USH2A: variants seen among roughly 807,000 people sequenced by gnomAD.
The protein encoded by USH2A is usherin.
A neutral mutation model predicts 538.9 loss-of-function variants in USH2A; 443 were observed. The ratio of observed to expected loss-of-function variants is 0.82; its 90% CI spans 0.76 to 0.89. The LOEUF (loss-of-function observed/expected upper bound fraction) is 0.89, where lower values mean the gene tolerates loss of function less well. USH2A is among the 40% of genes least tolerant of loss of function. USH2A has a pLI of 0.00. For missense variants in USH2A, 6,633 were observed against 6,324.8 expected, an observed-to-expected ratio of 1.05 and a Z score of -1.65; for synonymous variants, 2,413 against 2,273.5, an observed-to-expected ratio of 1.06 and a Z score of -1.75.
chr1:216,416,440 T>C (rs1010667148), intron 3 of USH2A, among the ~76,000 whole-genome samples: 25 of 152,122 alleles, frequency 1.6e-4, no homozygotes, highest in Admixed American at 1.3e-4. Flanking sequence ...CAGAATAGTT[T>C]AAAACTTATG....
At chr1:216,215,751 A>C (rs898083146) in intron 15 of USH2A, among the ~76,000 whole-genome samples, 22 of 152,142 alleles carry the variant, frequency 1.4e-4, no homozygotes, top group Non-Finnish European at 2.4e-4. Flanking sequence ...GAGATAAAAA[A>C]CCAAAAGGAA....
At chr1:216,175,824 A>C (rs1306130053) in intron 20 of USH2A, among the ~76,000 whole-genome samples, 1 of 152,118 alleles carries the variant, frequency 6.6e-6, no homozygotes, top group Non-Finnish European at 1.5e-5. Context: ...TCCCTCTACC[A>C]AGCAGGTACC....
At chr1:215,837,624 T>C (rs1015443630) in intron 47 of USH2A, among the ~76,000 whole-genome samples, 2 of 152,072 alleles carry the variant, frequency 1.3e-5, no homozygotes, top group African/African-American at 4.8e-5. Context: ...CTCTGATGTA[T>C]ATAAATCAAT....
At chr1:216,270,049 G>A (rs1352757058) in intron 11 of USH2A, among the ~76,000 whole-genome samples, 1 of 152,052 alleles carries the variant, frequency 6.6e-6, no homozygotes, top group Non-Finnish European at 1.5e-5. Flanking sequence ...ATTTCAAGAT[G>A]AATAAATTAG....
intron 64 of USH2A, 130 bp downstream of exon 64, chr1:215,670,842 A>C (rs1431471319): frequency 1.5e-5 from 14 of 943,944 alleles, no homozygotes; most frequent in Non-Finnish European, 1.9e-5. Flanking sequence ...AAAATTTTTA[A>C]GGAATATTAT....
chr1:215,986,039 C>T (rs552180652), intron 35 of USH2A, among the ~76,000 whole-genome samples: 1 of 152,184 alleles, frequency 6.6e-6, no homozygotes, highest in South Asian at 2.1e-4. Flanking sequence ...AAAATATTTC[C>T]ATAAGCTTCT....
At chr1:216,145,747 G>A (rs920864081) in intron 21 of USH2A, among the ~76,000 whole-genome samples, 7 of 152,086 alleles carry the variant, frequency 4.6e-5, no homozygotes, top group Non-Finnish European at 8.8e-5. Context: ...CACAAAAGAA[G>A]TGTAAATGGC....
chr1:215,977,211 T>C (rs946140509), intron 35 of USH2A, among the ~76,000 whole-genome samples: 14 of 152,056 alleles, frequency 9.2e-5, no homozygotes, highest in African/African-American at 3.1e-4. Context: ...ATTGAATCAG[T>C]AATAAAAAAA....
intron 21 of USH2A, among the ~76,000 whole-genome samples, chr1:216,145,360 T>C (rs1430549695): frequency 6.6e-6 from 1 of 152,120 alleles, no homozygotes; most frequent in African/African-American, 2.4e-5. Context: ...CCAGGGGCAA[T>C]GCGGTAAGAA....
intron 21 of USH2A, among the ~76,000 whole-genome samples, chr1:216,165,649 C>T (rs2034152202): frequency 6.6e-6 from 1 of 152,072 alleles, no homozygotes; most frequent in Non-Finnish European, 1.5e-5. Context: ...CTAAGTGATC[C>T]ATCTTTTGGA....
At chr1:216,232,254 C>T (rs1473279519) in intron 13 of USH2A, 118 bp from the exon 14 acceptor site, 1 of 1,158,120 alleles carries the variant, frequency 8.6e-7, no homozygotes. Context: ...ATTCCCAATA[C>T]AAATGTGGTT....
intron 14 of USH2A, among the ~76,000 whole-genome samples, chr1:216,222,387 T>C (rs539694039): frequency 6.6e-6 from 1 of 152,344 alleles, no homozygotes; most frequent in Non-Finnish European, 1.5e-5. Context: ...CCCCAGGCTA[T>C]AGATTGCTGA....
intron 49 of USH2A, among the ~76,000 whole-genome samples, chr1:215,810,722 A>C (rs1227040690): frequency 6.6e-6 from 1 of 152,182 alleles, no homozygotes; most frequent in Non-Finnish European, 1.5e-5. Context: ...AATTTAAGTT[A>C]CTTCGAGAAA....
intron 35 of USH2A, among the ~76,000 whole-genome samples, chr1:215,972,433 C>A (rs1309750111): frequency 2.0e-5 from 3 of 152,284 alleles, no homozygotes; most frequent in African/African-American, 4.8e-5. Flanking sequence ...CAGTAAGCAC[C>A]AGCTCCTGTC....
chr1:215,883,943 A>G (rs1401951031), intron 41 of USH2A, among the ~76,000 whole-genome samples: 1 of 152,188 alleles, frequency 6.6e-6, no homozygotes, highest in East Asian at 1.9e-4. Flanking sequence ...TCAGTAAACT[A>G]ACACAGGAAC....
In USH2A at chr1:216,232,104, A is replaced by T; in HGVS notation, c.2842T>A (p.Cys948Ser). The T allele has an allele frequency of 6.2e-7, 1 of 1,613,852 alleles. No individual in the cohort carries two copies. The highest frequency in any genetic ancestry group is 8.5e-7 in the Non-Finnish European group (1 of 1,179,828). ...FYISPGNATGCLPCSCHTTGA... is the reference protein window; with the variant it reads ...FYISPGNATGSLPCSCHTTGA... ...GTTGTATGGCATGAGCATGGCAGGCAGCCAGTGGCATTGCCTGGAGAAATA... is the reference window on the plus strand; with the variant it reads ...GTTGTATGGCATGAGCATGGCAGGCTGCCAGTGGCATTGCCTGGAGAAATA... Residue 948 changes from cysteine to serine, a missense_variant, in exon 14 of 72, where the codon TGC becomes AGC. By Grantham distance (112) the Cys-to-Ser change is moderately radical. Coordinates refer to ENST00000307340, the MANE Select transcript of USH2A (RefSeq NM_206933.4).
In USH2A at chr1:216,116,493, A is replaced by G. The variant is rs2033012035; in HGVS notation, c.4628-19280T>C. 2.0e-5 allele frequency among the ~76,000 whole-genome samples: 3 copies of G among 152,274 alleles called. No individual in the cohort carries two copies. In the South Asian group the frequency reaches 6.2e-4, roughly 32 times the overall value. ...GTGTTCAATGACCCAAAAGGACATT[A>G]AAGAATTTTACTCTGGGGTTTTACA... On this transcript the variant is annotated intron_variant, in intron 21 of 71. Coordinates refer to ENST00000307340, the MANE Select transcript of USH2A (RefSeq NM_206933.4).
chr1:216,188,998 T>A (rs1361091695), intron 20 of USH2A, among the ~76,000 whole-genome samples: 1 of 151,976 alleles, frequency 6.6e-6, no homozygotes, highest in African/African-American at 2.4e-5. Flanking sequence ...GCTGTCCATA[T>A]TCAGCATTCA....
intron 11 of USH2A, among the ~76,000 whole-genome samples, chr1:216,273,125 G>C (rs1168524614): frequency 2.6e-5 from 4 of 152,112 alleles, no homozygotes; most frequent in Non-Finnish European, 4.4e-5. Context: ...AAACCTGCAT[G>C]GCATTAGCCC....
Sources: gnomAD v4.1 joint callset for allele counts (sites outside exome capture counted in the v4.1 genomes callset) on GRCh38, gnomAD v4.1.1 for gene constraint, MANE v1.5 for transcripts, NCBI Gene and HGNC (gene_info 2026-07-23, HGNC 2026-07-21) for gene names.